The following MTOR variants were observed in gnomAD, a reference collection of about 807,000 sequenced individuals.
MTOR encodes the protein mechanistic target of rapamycin kinase, also known as serine/threonine-protein kinase mTOR.
In MTOR, 70 loss-of-function variants were observed where a neutral mutation model predicts 319.8. That is an observed-to-expected ratio of 0.22 (90% CI 0.18 to 0.27). The LOEUF is 0.27. MTOR is among the 10% of genes least tolerant of loss of function. The pLI is 1.00. For synonymous variants in MTOR, 1,183 were observed against 1,211.4 expected (o/e 0.98, Z 0.49); for missense variants, 1,890 against 3,274.4 (o/e 0.58, Z 10.32).
At chr1:11,258,352 T>C (rs1650697939) in intron 3 of MTOR, 133 bp downstream of exon 3, 3 of 666,500 alleles carry the variant, frequency 4.5e-6, no homozygotes, top group South Asian at 1.9e-5. Flanking sequence ...GGGCTGCTGC[T>C]AGAATTAAAA....
intron 3 of MTOR, among the ~76,000 whole-genome samples, chr1:11,257,878 G>C (rs914107592): frequency 3.3e-5 from 5 of 152,216 alleles, no homozygotes; most frequent in Admixed American, 3.3e-4. Flanking sequence ...GGGAGGCTGA[G>C]GTGGGCAGAT....
At chr1:11,239,003 T>C (rs1374301074) in intron 11 of MTOR, among the ~76,000 whole-genome samples, 1 of 151,540 alleles carries the variant, frequency 6.6e-6, no homozygotes, top group African/African-American at 2.4e-5. Context: ...CTCGATCTCC[T>C]GACCTTGTGA....
chr1:11,188,007 C>T (rs1390973932), intron 28 of MTOR, among the ~76,000 whole-genome samples: 1 of 152,176 alleles, frequency 6.6e-6, no homozygotes, highest in Admixed American at 6.5e-5. Flanking sequence ...TTCAGTAACT[C>T]CAGCTGCCTG....
chr1:11,258,932 C>T (rs1421424035), intron 2 of MTOR, among the ~76,000 whole-genome samples: 1 of 152,178 alleles, frequency 6.6e-6, no homozygotes, highest in Non-Finnish European at 1.5e-5. Context: ...ACTCTCCAAA[C>T]CCATCCCAAT....
Position 11,251,863 on chromosome 1 carries a change from T to C in MTOR, c.840+1976A>G, listed in dbSNP as rs1569821928. On this transcript the variant is annotated intron_variant, in intron 6 of 57. Transcript: ENST00000361445. ...TCAATGAAATCTGACAACCACTCTATGAGCTAGGTGATACTGTCCTGTTTT... is the reference window on the plus strand; with the variant it reads ...TCAATGAAATCTGACAACCACTCTACGAGCTAGGTGATACTGTCCTGTTTT... Among the ~76,000 whole-genome samples, 8 of 152,208 alleles carry C rather than the reference T, an allele frequency of 5.3e-5. 3 individuals are homozygous for C. Among genetic ancestry groups the C allele is most frequent in the Admixed American group, 5.2e-4 (8 of 15,272 alleles).
At position 11,115,925 on chromosome 1, in the gene MTOR, C is replaced by T. The variant is rs982316064; in HGVS notation, c.7017-457G>A. ...GGCTCTATCATTTTTACTGAGCAGC[C>T]GTAACAGGGTCTCATCTCCTTAAGT... On this transcript the variant is annotated intron_variant, in intron 50 of 57. Coordinates refer to ENST00000361445, the MANE Select transcript of MTOR (RefSeq NM_004958.4). The surrounding 1 kb of genome is among the most constrained non-coding windows in gnomAD (Gnocchi z 4.5). 2.6e-5 allele frequency among the ~76,000 whole-genome samples: 4 copies of T among 152,170 alleles called. No homozygotes were observed. The highest frequency in any genetic ancestry group is 1.3e-4 in the Admixed American group (2 of 15,270).
At chr1:11,156,978 T>C (rs940036921) in intron 30 of MTOR, among the ~76,000 whole-genome samples, 174 bp downstream of exon 30, 6 of 152,118 alleles carry the variant, frequency 3.9e-5, no homozygotes, top group Admixed American at 2.0e-4. Flanking sequence ...GCAGCTGAGA[T>C]AGAATGGAGA....
intron 34 of MTOR, among the ~76,000 whole-genome samples, chr1:11,141,393 G>A (rs755500193): frequency 3.9e-5 from 6 of 151,934 alleles, no homozygotes; most frequent in Non-Finnish European, 5.9e-5. Context: ...GATTACAGGT[G>A]GGATCGTTCT....
rs2100362466 is a variant in MTOR, at chr1:11,122,039, G to T, written c.6750C>A (p.Ile2250=). Residue 2250 remains isoleucine (I), a synonymous_variant, in exon 48 of 58, where the codon ATC becomes ATA. Transcript: ENST00000361445. ...TCTTCTTCTTCTCCCTGTAGTCCCG[G>T]ATGAGGGCGTGCAGTGTGTCACAGT... is the stretch of plus-strand genomic sequence containing the variant. ...VPHCDTLHAL[I]RDYREKKKIL... is the part of the protein sequence containing the mutation. 6.2e-7 allele frequency: 1 copy of T among 1,614,214 alleles called. No homozygotes were observed. The highest frequency in any genetic ancestry group is 8.5e-7 in the Non-Finnish European group (1 of 1,180,042).
At chr1:11,242,354 G>C (rs1030714754) in intron 9 of MTOR, among the ~76,000 whole-genome samples, 7 of 152,074 alleles carry the variant, frequency 4.6e-5, no homozygotes, top group African/African-American at 1.4e-4. Flanking sequence ...ACAATTATTA[G>C]CTTGGCATAG....
Position 11,109,232 on chromosome 1 carries a change from G to C in MTOR, c.7528+58C>G, listed in dbSNP as rs1641734147. The C allele has an allele frequency of 1.3e-6, 2 of 1,516,404 alleles. No individual in the cohort carries two copies. The highest frequency in any genetic ancestry group is 1.8e-6 in the Non-Finnish European group (2 of 1,098,744). The allele number at this position is 1,516,404 out of a possible 1,614,324, so 93.9% of individuals were successfully genotyped here. On this transcript the variant is annotated intron_variant, in intron 56 of 57. Transcript: ENST00000361445. This position sits in a 1 kb window ranked among gnomAD's most constrained non-coding sequence, Gnocchi z 4.0. ...TGGACATGGGGCTGACCACCACTCA[G>C]AGAGGAAAGTGTGCTCAGATTTTAT...
intron 28 of MTOR, among the ~76,000 whole-genome samples, chr1:11,176,829 G>T (rs1203134616): frequency 6.6e-6 from 1 of 152,206 alleles, no homozygotes; most frequent in Non-Finnish European, 1.5e-5. Flanking sequence ...TCCTTCTAGG[G>T]CCAGGAAGAT....
At chr1:11,195,769 T>A (rs1645762918) in intron 28 of MTOR, 1 of 152,632 alleles carries the variant, frequency 6.6e-6, no homozygotes, top group Non-Finnish European at 1.5e-5. Context: ...TACAGGTATA[T>A]CTATTTTTAT....
At chr1:11,259,226 TG>T in intron 2 of MTOR, 21 bp downstream of exon 2, 1 of 1,610,852 alleles carries the variant, frequency 6.2e-7, no homozygotes, top group Non-Finnish European at 8.5e-7. Context: ...CCACAATGAC[TG>T]GCCCCAGATC....
intron 13 of MTOR, among the ~76,000 whole-genome samples, chr1:11,236,032 T>C (rs1647207198): frequency 6.6e-6 from 1 of 151,890 alleles, no homozygotes; most frequent in Non-Finnish European, 1.5e-5. Context: ...TTGACTGCTA[T>C]ATTCCCAGTG....
In MTOR at chr1:11,154,692, T is replaced by C. The variant is rs376754164; in HGVS notation, c.4469+2460A>G. On this transcript the variant is annotated intron_variant, in intron 30 of 57. Transcript: ENST00000361445. ...GACCCTATCCCTACAAAAAATAATTTAAAAAAATTAGCCAGGCATGGTGGT... is the reference window on the plus strand; with the variant it reads ...GACCCTATCCCTACAAAAAATAATTCAAAAAAATTAGCCAGGCATGGTGGT... 1.6e-3 allele frequency among the ~76,000 whole-genome samples: 245 copies of C among 152,036 alleles called. 2 individuals are homozygous for C. The South Asian group carries it at 0.016, about 10-fold the overall frequency.
At chr1:11,158,724 G>GA (rs373517353) in intron 29 of MTOR, among the ~76,000 whole-genome samples, 28 of 145,732 alleles carry the variant, frequency 1.9e-4, no homozygotes, top group East Asian at 4.0e-4. Context: ...GGGTGGAAAA[G>GA]AAAAAAAAAA....
At chr1:11,204,007 C>T (rs574773489) in intron 26 of MTOR, among the ~76,000 whole-genome samples, 4 of 152,190 alleles carry the variant, frequency 2.6e-5, no homozygotes, top group African/African-American at 9.7e-5. Context: ...TGGAGAGGAA[C>T]CAAGGCCCCC....
intron 2 of MTOR, 41 bp downstream of exon 2, chr1:11,259,207 C>A (rs1650799093): frequency 6.2e-7 from 1 of 1,601,106 alleles, no homozygotes; most frequent in Non-Finnish European, 8.5e-7. Flanking sequence ...TACATTTAGC[C>A]CACACATCCC....
Sources: allele counts gnomAD v4.1 joint callset (sites outside exome capture counted in the v4.1 genomes callset), GRCh38; gene constraint gnomAD v4.1.1; non-coding constraint Gnocchi (gnomAD v3.1); transcripts MANE v1.5; gene names NCBI Gene and HGNC (gene_info 2026-07-23, HGNC 2026-07-21).